Variants in ADAM12 observed in about 807,000 individuals in gnomAD.
ADAM12 encodes disintegrin and metalloproteinase domain-containing protein 12.
In ADAM12, 70 loss-of-function variants were observed where a neutral mutation model predicts 106.4. That is an observed-to-expected ratio of 0.66 (90% CI 0.54 to 0.80). ADAM12 has a LOEUF of 0.80. Ranked by LOEUF, ADAM12 falls within the 30% of genes least tolerant of loss-of-function variation. The pLI is 0.00. For synonymous variants in ADAM12, 420 were observed against 433.5 expected (o/e 0.97, Z 0.39); for missense variants, 1,010 against 1,171.9 (o/e 0.86, Z 2.02).
chr10:126,247,487 A>T (rs1958653058), intron 3 of ADAM12, among the ~76,000 whole-genome samples: 1 of 152,172 alleles, frequency 6.6e-6, no homozygotes, highest in South Asian at 2.1e-4. Context: ...CTCAACAATT[A>T]TTGTTAGATA....
At chr10:126,041,276 G>A in intron 18 of ADAM12, 1 of 953,910 alleles carries the variant, frequency 1.0e-6, no homozygotes, top group Non-Finnish European at 1.2e-6. Context: ...AGGCCAGGGA[G>A]CAGTGAGCCA....
At chr10:126,250,094 C>T (rs973295912) in intron 3 of ADAM12, among the ~76,000 whole-genome samples, 1 of 152,170 alleles carries the variant, frequency 6.6e-6, no homozygotes, top group African/African-American at 2.4e-5. Flanking sequence ...TCCAACCCAT[C>T]CGGGACTACC....
chr10:126,234,473 T>G (rs1390171854), intron 3 of ADAM12, among the ~76,000 whole-genome samples: 1 of 152,216 alleles, frequency 6.6e-6, no homozygotes, highest in Admixed American at 6.5e-5. Context: ...AAACACAGGC[T>G]TAGAAAACAG....
At chr10:126,310,684 C>T (rs1442891340) in intron 2 of ADAM12, among the ~76,000 whole-genome samples, 1 of 152,060 alleles carries the variant, frequency 6.6e-6, no homozygotes, top group African/African-American at 2.4e-5. Flanking sequence ...ATGTAAATAC[C>T]ATCATATTGT....
intron 2 of ADAM12, among the ~76,000 whole-genome samples, chr10:126,301,278 A>G (rs968925426): frequency 1.3e-5 from 2 of 152,242 alleles, no homozygotes; most frequent in African/African-American, 4.8e-5. Context: ...AGTGCTAACA[A>G]CACACTGGCT....
At chr10:126,114,177 A>G (rs991430298) in intron 6 of ADAM12, among the ~76,000 whole-genome samples, 2 of 152,178 alleles carry the variant, frequency 1.3e-5, no homozygotes, top group African/African-American at 2.4e-5. Flanking sequence ...CACAGGATAC[A>G]GCCTCTGACA....
At chr10:126,029,283 C>G (rs144013113) in intron 21 of ADAM12, among the ~76,000 whole-genome samples, 12 of 151,762 alleles carry the variant, frequency 7.9e-5, no homozygotes, top group African/African-American at 2.7e-4. Flanking sequence ...CTATTATACA[C>G]GCATGCATAT....
chr10:126,321,513 C>A (rs1362775627), intron 2 of ADAM12, among the ~76,000 whole-genome samples: 14 of 152,168 alleles, frequency 9.2e-5, no homozygotes, highest in Admixed American at 9.2e-4. Flanking sequence ...GCTCCCTAAG[C>A]CAGGGACACA....
intron 3 of ADAM12, among the ~76,000 whole-genome samples, chr10:126,235,436 G>C (rs1410612637): frequency 2.6e-5 from 4 of 152,210 alleles, no homozygotes; most frequent in Non-Finnish European, 5.9e-5. Flanking sequence ...GAGAACCAGG[G>C]AGCGCGGACC....
intron 3 of ADAM12, among the ~76,000 whole-genome samples, chr10:126,170,117 A>C (rs758977426): frequency 2.6e-5 from 4 of 152,252 alleles, no homozygotes; most frequent in Non-Finnish European, 4.4e-5. Flanking sequence ...GAAGCCAGCC[A>C]GCCAGCCAGC....
At chr10:126,108,112 A>T (rs1482123576) in intron 8 of ADAM12, among the ~76,000 whole-genome samples, 2 of 152,192 alleles carry the variant, frequency 1.3e-5, no homozygotes, top group Non-Finnish European at 2.9e-5. Flanking sequence ...CTGAAAGTCA[A>T]CTTCTGTGTT....
intron 3 of ADAM12, among the ~76,000 whole-genome samples, chr10:126,166,508 G>GTT (rs1554980115): frequency 6.6e-6 from 1 of 151,366 alleles, no homozygotes; most frequent in Non-Finnish European, 1.5e-5. Context: ...TTTGTTTTTT[G>GTT]TTTTTTTTGA....
intron 1 of ADAM12, among the ~76,000 whole-genome samples, chr10:126,354,923 T>C (rs1021085645): frequency 1.3e-5 from 2 of 152,120 alleles, no homozygotes; most frequent in Non-Finnish European, 2.9e-5. Flanking sequence ...CACATATTTA[T>C]ATTAAAACTT....
intron 3 of ADAM12, among the ~76,000 whole-genome samples, chr10:126,206,204 G>A (rs1957791844): frequency 1.3e-5 from 2 of 152,132 alleles, no homozygotes; most frequent in South Asian, 4.1e-4. Context: ...GAAAACAATT[G>A]CAAGGCAAAG....
At chr10:126,362,747 A>G (rs1357995958) in intron 1 of ADAM12, among the ~76,000 whole-genome samples, 3 of 152,204 alleles carry the variant, frequency 2.0e-5, no homozygotes, top group South Asian at 2.1e-4. Context: ...TCGAGCTCAT[A>G]CAAAGAGTAG....
chr10:126,297,350 C>T (rs1334058836), intron 2 of ADAM12, among the ~76,000 whole-genome samples: 3 of 152,168 alleles, frequency 2.0e-5, no homozygotes, highest in African/African-American at 7.2e-5. Context: ...CGAGACCAGC[C>T]TGGGCAACAT....
At chr10:126,069,950 G>A (rs937664665) in intron 12 of ADAM12, among the ~76,000 whole-genome samples, 7 of 152,090 alleles carry the variant, frequency 4.6e-5, no homozygotes, top group Non-Finnish European at 1.0e-4. Context: ...GACTGCTAAC[G>A]AAATCATTCC....
chr10:126,256,228 T>C (rs1352330107), intron 3 of ADAM12, among the ~76,000 whole-genome samples: 2 of 152,196 alleles, frequency 1.3e-5, no homozygotes, highest in Non-Finnish European at 2.9e-5. Context: ...AATCACATTG[T>C]ATGAATGAAC....
At chr10:126,126,415 T>TTACACACCC (rs1338005018) in intron 5 of ADAM12, among the ~76,000 whole-genome samples, 5 of 152,134 alleles carry the variant, frequency 3.3e-5, no homozygotes, top group African/African-American at 4.8e-5. Context: ...CTGGCTCCCT[T>TTACACACCC]TACACACCCA....
Sources: allele counts gnomAD v4.1 joint callset (sites outside exome capture counted in the v4.1 genomes callset), GRCh38; gene constraint gnomAD v4.1.1; transcripts MANE v1.5; gene names NCBI Gene and HGNC (gene_info 2026-07-23, HGNC 2026-07-21).